Variants in ZNF160 observed in about 807,000 individuals in gnomAD.
ZNF160 encodes the protein zinc finger protein 160, also known as KRAB zinc finger protein KR18.
In ZNF160, 9 loss-of-function variants were observed where a neutral mutation model predicts 13.1. The observed-to-expected ratio is 0.69, with a 90% CI of 0.41 to 1.20. The LOEUF (loss-of-function observed/expected upper bound fraction) is 1.20, where lower values mean the gene tolerates loss of function less well. Ranked by LOEUF, ZNF160 falls within the 50% of genes most tolerant of loss-of-function variation. ZNF160 has a pLI of 0.01. For synonymous variants in ZNF160, 293 were observed against 333.2 expected (o/e 0.88, Z 1.31); for missense variants, 838 against 988.0 (o/e 0.85, Z 2.04).
chr19:53,098,754 C>G (rs562683011), intron 1 of ZNF160, among the ~76,000 whole-genome samples: 6 of 151,546 alleles, frequency 4.0e-5, no homozygotes, highest in Non-Finnish European at 1.5e-5. Flanking sequence ...TGCTGGAAGG[C>G]AAAGCCCCTG....
At position 53,075,475 on chromosome 19, in the gene ZNF160, G is replaced by A. The variant is rs117690980; in HGVS notation, c.16-292C>T. On this transcript the variant is annotated intron_variant, in intron 3 of 5. Transcript: ENST00000683776. ...AGGGCGGTCACCGGAACTAAGGCTCGGTGGGTGGTCACTGGAAAGGCTGAG... is the reference window on the plus strand; with the variant it reads ...AGGGCGGTCACCGGAACTAAGGCTCAGTGGGTGGTCACTGGAAAGGCTGAG... 322 of 370,214 alleles carry A rather than the reference G, an allele frequency of 8.7e-4. 2 individuals carry two copies. The East Asian group carries it at 0.02, about 23-fold the overall frequency. The allele number at this position is 370,214 out of a possible 1,614,324, so 22.9% of individuals were successfully genotyped here.
intron 2 of ZNF160, 67 bp from the exon 3 acceptor site, chr19:53,086,388 AG>A (rs2084831663): frequency 1.1e-5 from 15 of 1,394,314 alleles, no homozygotes; most frequent in Non-Finnish European, 1.4e-5. Flanking sequence ...CTTAGGGCTG[AG>A]AATCTATACA....
chr19:53,072,650 G>A (rs140517275), intron 5 of ZNF160, among the ~76,000 whole-genome samples: 10,679 of 152,054 alleles, frequency 0.07, 390 homozygotes, highest in Middle Eastern at 0.18. Context: ...TCGAGAGTTC[G>A]AGACCAGCCT....
intron 3 of ZNF160, among the ~76,000 whole-genome samples, chr19:53,083,004 G>T (rs1208001852): frequency 1.3e-5 from 2 of 152,148 alleles, no homozygotes; most frequent in African/African-American, 4.8e-5. Flanking sequence ...TTATTATAAA[G>T]GATATTACAA....
intron 2 of ZNF160, among the ~76,000 whole-genome samples, chr19:53,089,336 C>T (rs1024965978): frequency 6.6e-6 from 1 of 152,192 alleles, no homozygotes; most frequent in African/African-American, 2.4e-5. Context: ...AGTTCCTCCA[C>T]ATTTTGGTGA....
chr19:53,093,830 G>A (rs1189402231), intron 1 of ZNF160, among the ~76,000 whole-genome samples: 1 of 152,102 alleles, frequency 6.6e-6, no homozygotes, highest in Non-Finnish European at 1.5e-5. Context: ...CTTCACTGTG[G>A]GTGTACTGAA....
chr19:53,101,618 T>A (rs540706745), intron 1 of ZNF160, among the ~76,000 whole-genome samples: 42 of 152,258 alleles, frequency 2.8e-4, no homozygotes, highest in Admixed American at 5.9e-4. Flanking sequence ...ACCTTCAGCA[T>A]GAACTGTGAG....
intron 3 of ZNF160, 167 bp from the exon 4 acceptor site, chr19:53,075,350 CTGACA>C (rs1437659842): frequency 2.3e-5 from 17 of 752,836 alleles, no homozygotes; most frequent in Non-Finnish European, 3.4e-5. Flanking sequence ...TCCCCCTCTC[CTGACA>C]TAAGAGCTCA....
chr19:53,078,275 T>G (rs991017677), intron 3 of ZNF160, among the ~76,000 whole-genome samples: 1 of 151,556 alleles, frequency 6.6e-6, no homozygotes, highest in Non-Finnish European at 1.5e-5. Context: ...CTGGGTGTAG[T>G]GGCATGAGCC....
intron 5 of ZNF160, among the ~76,000 whole-genome samples, chr19:53,072,030 A>G (rs564098732): frequency 1.2e-4 from 18 of 152,264 alleles, no homozygotes; most frequent in Admixed American, 4.6e-4. Flanking sequence ...TTGTTATATA[A>G]CTATCTATAT....
At chr19:53,089,625 C>G (rs909038165) in intron 2 of ZNF160, among the ~76,000 whole-genome samples, 3 of 152,100 alleles carry the variant, frequency 2.0e-5, no homozygotes, top group Admixed American at 1.3e-4. Context: ...TTGCAATTCT[C>G]ATCTTTATCT....
intron 3 of ZNF160, among the ~76,000 whole-genome samples, chr19:53,080,053 A>C (rs1371209463): frequency 6.6e-6 from 1 of 152,148 alleles, no homozygotes; most frequent in Admixed American, 6.6e-5. Flanking sequence ...AGACCTGATA[A>C]ATGACTTCAG....
chr19:53,085,336 GC>G, intron 3 of ZNF160: 1 of 420,138 alleles, frequency 2.4e-6, no homozygotes, highest in Non-Finnish European at 3.2e-6. Context: ...TACAGGACTT[GC>G]ACTGACCCTT....
At position 53,091,704 on chromosome 19, in the gene ZNF160, C is replaced by T. The variant is rs2085043857; in HGVS notation, c.-337G>A. 1 of 152,220 alleles carries T rather than the reference C, an allele frequency of 6.6e-6. No individual in the cohort carries two copies. The highest frequency in any genetic ancestry group is 1.5e-5 in the Non-Finnish European group (1 of 68,060). The allele number at this position is 152,220 out of a possible 1,614,324, so 9.4% of individuals were successfully genotyped here. On this transcript the variant is annotated 5_prime_UTR_variant, in exon 2 of 6. Coordinates refer to ENST00000683776, the MANE Select transcript of ZNF160 (RefSeq NM_001322131.2). ...CTCTAGGTCGTCAGGGGGCAGTGTT[C>T]GGATCCAGGAACGTTTCTGCAATTA... is the stretch of plus-strand genomic sequence containing the variant.
intron 3 of ZNF160, among the ~76,000 whole-genome samples, chr19:53,082,953 C>T (rs2084689447): frequency 6.6e-6 from 1 of 152,134 alleles, no homozygotes; most frequent in Admixed American, 6.5e-5. Context: ...TTTGCTAGAC[C>T]TCACAGACCT....
At chr19:53,082,605 G>C (rs1451101577) in intron 3 of ZNF160, among the ~76,000 whole-genome samples, 1 of 152,236 alleles carries the variant, frequency 6.6e-6, no homozygotes, top group Non-Finnish European at 1.5e-5. Flanking sequence ...CAGAGATCAA[G>C]GCTGCAGTCA....
chr19:53,099,669 T>C (rs1366222599), intron 1 of ZNF160, among the ~76,000 whole-genome samples: 2 of 152,226 alleles, frequency 1.3e-5, no homozygotes, highest in African/African-American at 4.8e-5. Context: ...CTGAGTCCCA[T>C]TTAAATTTTT....
At chr19:53,077,143 G>C (rs1189186272) in intron 3 of ZNF160, 1 of 152,190 alleles carries the variant, frequency 6.6e-6, no homozygotes, top group African/African-American at 2.4e-5. Flanking sequence ...GGACACCAGC[G>C]AGGCTGCGGA....
In ZNF160 at chr19:53,068,753, T is replaced by G; in HGVS notation, c.1781A>C (p.Lys594Thr). ...AAAGGCTCTGCCACAGTCATTACACTTGTAAGGTTTTTCTCCAGTATGAAC... is the reference window on the plus strand; with the variant it reads ...AAAGGCTCTGCCACAGTCATTACACGTGTAAGGTTTTTCTCCAGTATGAAC... ...WRVHTGEKPYKCNDCGRAFSD... is the reference protein window; with the variant it reads ...WRVHTGEKPYTCNDCGRAFSD... The change falls in exon 6 of 6, where the codon AAG (lysine) becomes ACG (threonine). Residue 594 changes from lysine (K) to threonine (T), a missense_variant. This residue lies in a region of ZNF160 where 400 missense variants were observed against 538.9 expected (regional missense o/e 0.74). Transcript: ENST00000683776. The G allele has an allele frequency of 1.2e-6, 2 of 1,614,218 alleles. No individual in the cohort carries two copies. Among genetic ancestry groups the G allele is most frequent in the Non-Finnish European group, 1.7e-6 (2 of 1,180,030 alleles).
Sources: allele counts gnomAD v4.1 joint callset (sites outside exome capture counted in the v4.1 genomes callset), GRCh38; gene constraint gnomAD v4.1.1; regional missense constraint gnomAD v4.1.1; transcripts MANE v1.5; gene names NCBI Gene and HGNC (gene_info 2026-07-23, HGNC 2026-07-21).